DOP1B: variants seen among roughly 807,000 people sequenced by gnomAD.
The protein encoded by DOP1B is DOP1 leucine zipper like protein B.
DOP1B carries 174 observed loss-of-function variants against 233.5 expected under a neutral mutation model. That is an observed-to-expected ratio of 0.75 (90% CI 0.66 to 0.85). DOP1B has a LOEUF of 0.85. Among genes scored for constraint, DOP1B ranks in the 40% least tolerant of loss-of-function variants. DOP1B has a pLI of 0.00. For missense variants in DOP1B, 2,652 were observed against 2,846.6 expected, an observed-to-expected ratio of 0.93 and a Z score of 1.56; for synonymous variants, 1,190 against 1,185.6, an observed-to-expected ratio of 1.00 and a Z score of -0.08.
At chr21:36,209,780 T>C (rs1384022319) in intron 5 of DOP1B, among the ~76,000 whole-genome samples, 2 of 152,228 alleles carry the variant, frequency 1.3e-5, no homozygotes, top group Non-Finnish European at 2.9e-5. Flanking sequence ...TCCCCAAACC[T>C]GCCTCTTGTG....
chr21:36,168,289 T>C (rs2065935639), intron 2 of DOP1B, among the ~76,000 whole-genome samples: 2 of 152,138 alleles, frequency 1.3e-5, no homozygotes, highest in Admixed American at 1.3e-4. Flanking sequence ...TTTAGATTTT[T>C]ACCTTTTGGC....
intron 15 of DOP1B, among the ~76,000 whole-genome samples, chr21:36,234,884 G>C (rs2066808879): frequency 6.6e-6 from 1 of 152,038 alleles, no homozygotes; most frequent in South Asian, 2.1e-4. Context: ...ATATATATGG[G>C]TACAATTTGA....
chr21:36,261,456 G>T, intron 24 of DOP1B: 2 of 985,346 alleles, frequency 2.0e-6, no homozygotes, highest in Non-Finnish European at 2.4e-6. Flanking sequence ...TATCTGCTTT[G>T]ATTTGCTAAG....
At position 36,280,229 on chromosome 21, in the gene DOP1B, G is replaced by A. The variant is rs1042534090; in HGVS notation, c.5970-56G>A. On this transcript the variant is annotated intron_variant, in intron 30 of 36. Coordinates refer to ENST00000691173, the MANE Select transcript of DOP1B (RefSeq NM_001320714.2). ...GGATATGTTATTTTCTTAATGTTTT[G>A]AATCAAACTATCATCCACTGCAAAT... 3 of 1,272,082 alleles carry A rather than the reference G, an allele frequency of 2.4e-6. No individual in the cohort carries two copies. In the African/African-American group the frequency reaches 4.5e-5, roughly 19 times the overall value. 78.8% of individuals were successfully genotyped at this position (1,272,082 alleles called of 1,614,324 possible). A position where few individuals can be genotyped will look rare whatever the true frequency, so the allele number is the denominator to read the frequency against.
chr21:36,278,117 T>C (rs1388709930), intron 29 of DOP1B, 33 bp downstream of exon 29: 2 of 1,613,016 alleles, frequency 1.2e-6, no homozygotes, highest in African/African-American at 2.7e-5. Flanking sequence ...TTCCCACCCA[T>C]ATGCAGAAAA....
chr21:36,261,114 C>T, intron 24 of DOP1B: 1 of 998,554 alleles, frequency 1.0e-6, no homozygotes, highest in Non-Finnish European at 1.2e-6. Context: ...CCTGCAATCC[C>T]AGCACTTTGG....
chr21:36,192,848 C>T (rs1408739208), intron 2 of DOP1B, among the ~76,000 whole-genome samples: 3 of 145,672 alleles, frequency 2.1e-5, no homozygotes, highest in Non-Finnish European at 4.5e-5. Flanking sequence ...CCACCACGCC[C>T]GGCTAATTTT....
intron 22 of DOP1B, among the ~76,000 whole-genome samples, chr21:36,251,499 A>G (rs1456433951): frequency 1.3e-5 from 2 of 151,880 alleles, no homozygotes; most frequent in African/African-American, 4.8e-5. Flanking sequence ...GGCTCACTGC[A>G]CCCTCCACCT....
chr21:36,217,775 A>G (rs935529533), intron 9 of DOP1B, among the ~76,000 whole-genome samples: 2 of 152,192 alleles, frequency 1.3e-5, no homozygotes, highest in African/African-American at 4.8e-5. Flanking sequence ...CAGCTCTGAA[A>G]AATCATGATT....
At chr21:36,277,228 A>G in intron 28 of DOP1B, 128 bp downstream of exon 28, 1 of 869,828 alleles carries the variant, frequency 1.1e-6, no homozygotes, top group Non-Finnish European at 1.8e-6. Context: ...CTCGTCCATC[A>G]GGCAGCATTG....
At chr21:36,288,891 A>G in intron 34 of DOP1B, 80 bp downstream of exon 34, 1 of 1,462,934 alleles carries the variant, frequency 6.8e-7, no homozygotes, top group East Asian at 2.3e-5. Flanking sequence ...GAGTTGTCTA[A>G]TGTTAAATGC....
At chr21:36,207,500 T>G (rs971619458) in intron 4 of DOP1B, among the ~76,000 whole-genome samples, 1 of 66,812 alleles carries the variant, frequency 1.5e-5, no homozygotes, top group African/African-American at 9.5e-5. Context: ...GTTTTTTTTG[T>G]TTTTTTTTTT....
chr21:36,200,518 T>C lies in DOP1B; in HGVS notation c.491+17T>C, dbSNP rs564178092. On this transcript the variant is annotated intron_variant, in intron 4 of 36. Transcript: ENST00000691173. ...CTCCGACAGGTGCGTGGGCGTCTTG[T>C]CCAGGCTGTGTTTACTCCACTGCTT... 3 of 1,591,082 alleles carry C rather than the reference T, an allele frequency of 1.9e-6. No individual in the cohort carries two copies. Among genetic ancestry groups the C allele is most frequent in the Admixed American group, 3.6e-5 (2 of 56,218 alleles).
At chr21:36,184,953 G>A (rs192697096) in intron 2 of DOP1B, among the ~76,000 whole-genome samples, 197 of 152,306 alleles carry the variant, frequency 1.3e-3, no homozygotes, top group Non-Finnish European at 2.1e-3. Context: ...TCTGTTCTGG[G>A]TGTGACTTTT....
intron 12 of DOP1B, among the ~76,000 whole-genome samples, chr21:36,227,391 C>CA (rs529161039): frequency 1.9e-4 from 29 of 151,076 alleles, no homozygotes; most frequent in Middle Eastern, 3.4e-3. Flanking sequence ...ACTAAACATA[C>CA]AAAAAATTAG....
Position 36,261,576 on chromosome 21 carries a change from T to C in DOP1B, c.5315+844T>C, listed in dbSNP as rs540792236. On this transcript the variant is annotated intron_variant, in intron 24 of 36. Coordinates refer to ENST00000691173, the MANE Select transcript of DOP1B (RefSeq NM_001320714.2). The stretch of plus-strand genomic sequence containing the variant: ...ACTGGACCTCATTCAGATCTTACAA[T>C]GGCTGCATCCCAGGTGCAGCTCTGT... 2.8e-4 allele frequency: 275 copies of C among 985,362 alleles called. 2 individuals carry two copies. The South Asian group carries it at 0.012, about 42-fold the overall frequency. The allele number at this position is 985,362 out of a possible 1,614,324, so 61.0% of individuals were successfully genotyped here. A position where few individuals can be genotyped will look rare whatever the true frequency, so the allele number is the denominator to read the frequency against.
At chr21:36,269,424 A>C (rs1020338006) in intron 26 of DOP1B, among the ~76,000 whole-genome samples, 1 of 151,458 alleles carries the variant, frequency 6.6e-6, no homozygotes, top group Non-Finnish European at 1.5e-5. Flanking sequence ...CAAAATGCTG[A>C]GATTATAGGC....
intron 12 of DOP1B, among the ~76,000 whole-genome samples, chr21:36,226,174 G>A (rs74537436): frequency 8.7e-4 from 133 of 152,304 alleles, no homozygotes; most frequent in African/African-American, 3.0e-3. Context: ...AGCTACTCAG[G>A]AGGCTGAGAT....
chr21:36,189,324 T>C (rs953836938), intron 2 of DOP1B, among the ~76,000 whole-genome samples: 8 of 152,246 alleles, frequency 5.3e-5, no homozygotes, highest in African/African-American at 1.9e-4. Context: ...AATTATGTCC[T>C]AATTATAGCT....
Sources: allele counts gnomAD v4.1 joint callset (sites outside exome capture counted in the v4.1 genomes callset), GRCh38; gene constraint gnomAD v4.1.1; transcripts MANE v1.5; gene names NCBI Gene and HGNC (gene_info 2026-07-23, HGNC 2026-07-21).